Variants in CSNK1A1 observed in about 807,000 individuals in gnomAD.
CSNK1A1 encodes casein kinase I isoform alpha.
CSNK1A1 carries 7 observed loss-of-function variants against 46.1 expected under a neutral mutation model. The ratio of observed to expected loss-of-function variants is 0.15; its 90% CI spans 0.09 to 0.29. The LOEUF is 0.29. Among genes scored for constraint, CSNK1A1 ranks in the 10% least tolerant of loss-of-function variants. The pLI is 1.00. For missense variants in CSNK1A1, 96 were observed against 417.1 expected (o/e 0.23, Z 6.71); for synonymous variants, 137 against 141.5 (o/e 0.97, Z 0.23).
At position 149,551,125 on chromosome 5, in the gene CSNK1A1, G is replaced by C. The variant is rs1580873490; in HGVS notation, c.-161C>G. ...TTCGGGGCCCAGAATCAGCAGAGGG[G>C]AACCTGATCACCGCCGCTCAGTCAG... On this transcript the variant is annotated 5_prime_UTR_variant, in exon 1 of 10. Transcript: ENST00000377843. 1.5e-6 allele frequency: 1 copy of C among 672,394 alleles called. No homozygotes were observed. Among genetic ancestry groups the C allele is most frequent in the South Asian group, 1.9e-5 (1 of 53,300 alleles). The allele number at this position is 672,394 out of a possible 1,614,324, so 41.7% of individuals were successfully genotyped here.
chr5:149,521,615 AT>A (rs879396057), intron 3 of CSNK1A1, among the ~76,000 whole-genome samples: 533 of 136,190 alleles, frequency 3.9e-3, no homozygotes, highest in Middle Eastern at 7.8e-3. Context: ...TTCCATGAGG[AT>A]TTTTTTTTTT....
chr5:149,536,319 T>C (rs890571678), intron 2 of CSNK1A1, among the ~76,000 whole-genome samples: 6 of 152,202 alleles, frequency 3.9e-5, no homozygotes, highest in African/African-American at 1.4e-4. Flanking sequence ...ACAATGTTTC[T>C]GTATGAAGAT....
intron 4 of CSNK1A1, among the ~76,000 whole-genome samples, chr5:149,519,564 T>G (rs1271013461): frequency 6.6e-6 from 1 of 152,186 alleles, no homozygotes; most frequent in Non-Finnish European, 1.5e-5. Flanking sequence ...AGTTTCTAAC[T>G]GCAATCATGC....
At chr5:149,538,018 T>TTTG (rs1762113534) in intron 2 of CSNK1A1, among the ~76,000 whole-genome samples, 1 of 136,016 alleles carries the variant, frequency 7.4e-6, no homozygotes, top group Non-Finnish European at 1.6e-5. Context: ...TGCCCAGTTT[T>TTTG]TTTTTTTTTT....
intron 9 of CSNK1A1, chr5:149,503,749 A>T (rs1760945391): frequency 1.0e-6 from 1 of 985,218 alleles, no homozygotes; most frequent in Admixed American, 6.1e-5. Flanking sequence ...TGAATAAGAG[A>T]CACACAGTAA....
At chr5:149,498,874 A>G (rs1450748256) in intron 9 of CSNK1A1, 3 of 985,302 alleles carry the variant, frequency 3.0e-6, no homozygotes, top group Non-Finnish European at 3.6e-6. Context: ...TAGCAAGAAA[A>G]CTTCAGAATG....
intron 9 of CSNK1A1, chr5:149,503,547 T>C (rs1433311991): frequency 9.1e-6 from 9 of 984,824 alleles, no homozygotes; most frequent in South Asian, 4.7e-5. Flanking sequence ...TGTATGACCA[T>C]TGTCTCTAAT....
intron 2 of CSNK1A1, among the ~76,000 whole-genome samples, chr5:149,543,365 G>A (rs1762362550): frequency 6.6e-6 from 1 of 152,132 alleles, no homozygotes; most frequent in South Asian, 2.1e-4. Context: ...AGCTTAAAAT[G>A]CTACCTAGCA....
At chr5:149,530,653 T>C (rs1402998912) in intron 2 of CSNK1A1, among the ~76,000 whole-genome samples, 1 of 152,098 alleles carries the variant, frequency 6.6e-6, no homozygotes, top group Non-Finnish European at 1.5e-5. Context: ...ATTGTCTCTT[T>C]AGGATACTAC....
chr5:149,522,375 T>A (rs1321523622), intron 3 of CSNK1A1, among the ~76,000 whole-genome samples: 2 of 152,238 alleles, frequency 1.3e-5, no homozygotes, highest in African/African-American at 4.8e-5. Context: ...CCTCCCAAAG[T>A]GCTGGGATTG....
Position 149,538,348 on chromosome 5 carries a change from A to C in CSNK1A1, c.230+11727T>G, listed in dbSNP as rs947546067. Among the ~76,000 whole-genome samples the C allele has an allele frequency of 2.6e-5, 4 of 152,142 alleles. No homozygotes were observed. The South Asian group carries it at 8.3e-4, about 32-fold the overall frequency. The stretch of plus-strand genomic sequence containing the variant: ...TCCAGTTTCTTAAACTGTGACTGGC[A>C]CAGGGTAGGTACCCTCAGGTGAATG... On this transcript the variant is annotated intron_variant, in intron 2 of 9. Coordinates refer to ENST00000377843, the MANE Select transcript of CSNK1A1 (RefSeq NM_001892.6).
chr5:149,503,035 G>C, intron 9 of CSNK1A1: 1 of 977,250 alleles, frequency 1.0e-6, no homozygotes, highest in African/African-American at 1.8e-5. Flanking sequence ...CAAAGTGCTG[G>C]GATAACAGGC....
chr5:149,532,122 G>A (rs573395406), intron 2 of CSNK1A1, among the ~76,000 whole-genome samples: 4 of 152,088 alleles, frequency 2.6e-5, no homozygotes, highest in East Asian at 1.9e-4. Flanking sequence ...CACGTGATCC[G>A]CCTGCCTTGG....
Position 149,550,940 on chromosome 5 carries a change from C to T in CSNK1A1, c.25G>A (p.Ala9Thr). The change falls in exon 1 of 10, where the codon GCT becomes ACT. Residue 9 changes from alanine (A) to threonine (T), a missense_variant. Transcript: ENST00000377843. This position sits in a 1 kb window ranked among gnomAD's most constrained non-coding sequence, Gnocchi z 4.3. Reference sequence around the variant, plus strand: ...TATTTCCCTCCGACAATGAATTCAGCCTTGGAGCCGCTGCTACTCGCCATC... The same window carrying T: ...TATTTCCCTCCGACAATGAATTCAGTCTTGGAGCCGCTGCTACTCGCCATC... MASSSGSKAEFIVGGKYKL... is the reference protein window; with the variant it reads MASSSGSKTEFIVGGKYKL... 1 of 1,614,140 alleles carries T rather than the reference C, an allele frequency of 6.2e-7. No individual in the cohort carries two copies. Among genetic ancestry groups the T allele is most frequent in the Non-Finnish European group, 8.5e-7 (1 of 1,180,010 alleles).
At chr5:149,497,076 G>T in intron 9 of CSNK1A1, 1 of 1,352,924 alleles carries the variant, frequency 7.4e-7, no homozygotes, top group Non-Finnish European at 9.5e-7. Context: ...CTCTAGGAAG[G>T]AGTGGTACAG....
rs1761709298 is a variant in CSNK1A1 at position 149,525,737 on chromosome 5, T to C, written c.231-566A>G. ...ATTTATTTGCTTTTAACTGGAATCA[T>C]GTTTTAATTATCCTGGGCTGTATTA... On this transcript the variant is annotated intron_variant, in intron 2 of 9. Transcript: ENST00000377843. This position sits in a 1 kb window ranked among gnomAD's most constrained non-coding sequence, Gnocchi z 4.2. 6.6e-6 allele frequency among the ~76,000 whole-genome samples: 1 copy of C among 152,224 alleles called. No individual in the cohort carries two copies. Among genetic ancestry groups the C allele is most frequent in the Admixed American group, 6.5e-5 (1 of 15,278 alleles).
At chr5:149,503,866 T>C (rs928837136) in intron 9 of CSNK1A1, 8 of 985,456 alleles carry the variant, frequency 8.1e-6, no homozygotes, top group South Asian at 4.7e-5. Context: ...ATTTTAGTTA[T>C]AGAAACTGCA....
At chr5:149,542,058 CAGTATAG>C (rs1296260796) in intron 2 of CSNK1A1, among the ~76,000 whole-genome samples, 1 of 150,824 alleles carries the variant, frequency 6.6e-6, no homozygotes, top group Non-Finnish European at 1.5e-5. Flanking sequence ...GACCGGTATC[CAGTATAG>C]AAGCGAAGTG....
At chr5:149,509,525 T>A (rs1233664185) in intron 7 of CSNK1A1, among the ~76,000 whole-genome samples, 1 of 152,196 alleles carries the variant, frequency 6.6e-6, no homozygotes, top group Non-Finnish European at 1.5e-5. Context: ...CTCAGGCTCC[T>A]GAGTAGCTGG....
Sources: gnomAD v4.1 joint callset for allele counts (sites outside exome capture counted in the v4.1 genomes callset) on GRCh38, gnomAD v4.1.1 for gene constraint, Gnocchi (gnomAD v3.1) non-coding constraint, MANE v1.5 for transcripts, NCBI Gene and HGNC (gene_info 2026-07-23, HGNC 2026-07-21) for gene names.